The following RBPJ variants were observed in gnomAD, a reference collection of about 807,000 sequenced individuals.
RBPJ encodes recombining binding protein suppressor of hairless.
Under a neutral mutation model 67.8 loss-of-function variants are expected in RBPJ, and 9 were observed. That is an observed-to-expected ratio of 0.13 (90% CI 0.08 to 0.23). The LOEUF (loss-of-function observed/expected upper bound fraction) is 0.23, where lower values mean the gene tolerates loss of function less well. RBPJ is among the 10% of genes least tolerant of loss of function. The pLI is 1.00. For missense variants in RBPJ, 305 were observed against 595.6 expected (o/e 0.51, Z 5.08); for synonymous variants, 198 against 203.3 (o/e 0.97, Z 0.22).
At chr4:26,135,663 G>A in the RBPJ span, among the ~76,000 whole-genome samples, 12 of 152,270 alleles carry the variant, frequency 7.9e-5, no homozygotes, top group South Asian at 2.5e-3. Context: ...AACCTAAAAG[G>A]CCTGGCTAGG....
chr4:26,172,961 G>A (rs537062611), intron 1 of RBPJ, among the ~76,000 whole-genome samples: 167 of 152,208 alleles, frequency 1.1e-3, no homozygotes, highest in Non-Finnish European at 1.9e-3. Context: ...AGGATATTAG[G>A]GGCAGTCGTT....
At chr4:26,145,721 G>T in the RBPJ span, among the ~76,000 whole-genome samples, 1 of 152,150 alleles carries the variant, frequency 6.6e-6, no homozygotes, top group African/African-American at 2.4e-5. Flanking sequence ...ATGGAGAAAA[G>T]GACGATTATT....
At chr4:26,125,366 TACACTACTG>T in the RBPJ span, among the ~76,000 whole-genome samples, 1 of 152,250 alleles carries the variant, frequency 6.6e-6, no homozygotes, top group Non-Finnish European at 1.5e-5. Context: ...TTGATTTTTC[TACACTACTG>T]ACTGAGGAAT....
intron 1 of RBPJ, among the ~76,000 whole-genome samples, chr4:26,327,101 C>T (rs1723706767): frequency 6.6e-6 from 1 of 152,148 alleles, no homozygotes. Context: ...TCTTATCCTG[C>T]CCACAGTTCT....
Position 26,234,582 on chromosome 4 carries a change from C to A in RBPJ, c.-167+70968C>A, listed in dbSNP as rs181907458. On this transcript the variant is annotated intron_variant, in intron 1 of 4. Coordinates refer to the RBPJ transcript ENST00000512351. ...TGGCCACTCTCTATATAAATTGTAC[C>A]AGTCTACTCCACAAACCCTGTCTCT... Among the ~76,000 whole-genome samples, 260 of 152,282 alleles carry A rather than the reference C, an allele frequency of 1.7e-3. 1 individual carries two copies. The highest frequency in any genetic ancestry group is 5.8e-3 in the African/African-American group (241 of 41,540).
chr4:26,182,526 C>T (rs190898383), intron 1 of RBPJ, among the ~76,000 whole-genome samples: 4 of 147,250 alleles, frequency 2.7e-5, no homozygotes, highest in African/African-American at 1.0e-4. Context: ...CAGAGTCTTG[C>T]TCTGTCACCC....
intron 1 of RBPJ, among the ~76,000 whole-genome samples, chr4:26,365,786 T>C (rs1320342030): frequency 6.6e-6 from 1 of 152,262 alleles, no homozygotes; most frequent in Non-Finnish European, 1.5e-5. Flanking sequence ...CCTCCTACCA[T>C]CTTTTACTTT....
At position 26,186,196 on chromosome 4, in the gene RBPJ, A is replaced by T. The variant is rs1025263138; in HGVS notation, c.-167+22582A>T. Among the ~76,000 whole-genome samples, 949 of 118,010 alleles carry T rather than the reference A, an allele frequency of 8.0e-3. 12 individuals are homozygous for T. Among genetic ancestry groups the T allele is most frequent in the African/African-American group, 0.025 (896 of 36,212 alleles). The allele number at this position is 118,010 out of a possible 152,430, so 77.4% of individuals were successfully genotyped here. A position where few individuals can be genotyped will look rare whatever the true frequency, so the allele number is the denominator to read the frequency against. On this transcript the variant is annotated intron_variant, in intron 1 of 4. Coordinates refer to the RBPJ transcript ENST00000512351. Reference sequence around the variant, plus strand: ...TTTCTGCTCCCCCCTTTTTTTTAAAAAAAAAAAAAAAAAAAAAAAGACCAA... The same window carrying T: ...TTTCTGCTCCCCCCTTTTTTTTAAATAAAAAAAAAAAAAAAAAAAGACCAA...
chr4:26,427,310 T>C (rs1005769160), intron 7 of RBPJ, among the ~76,000 whole-genome samples: 6 of 152,132 alleles, frequency 3.9e-5, no homozygotes, highest in African/African-American at 1.4e-4. Context: ...AAGGATCAAG[T>C]TTAGGAGGAA....
chr4:26,136,332 C>T, the RBPJ span, among the ~76,000 whole-genome samples: 1 of 152,214 alleles, frequency 6.6e-6, no homozygotes, highest in African/African-American at 2.4e-5. Flanking sequence ...CCCATCTATC[C>T]CCAGCTCCAT....
intron 1 of RBPJ, among the ~76,000 whole-genome samples, chr4:26,283,159 G>A (rs1295917688): frequency 1.4e-5 from 2 of 148,010 alleles, no homozygotes; most frequent in African/African-American, 4.9e-5. Context: ...TCGATCTCCT[G>A]ACCTCGTAAT....
chr4:26,258,212 T>C (rs1258609175), intron 1 of RBPJ, among the ~76,000 whole-genome samples: 1 of 152,228 alleles, frequency 6.6e-6, no homozygotes, highest in Admixed American at 6.5e-5. Context: ...TGGTTATGAT[T>C]TGGCATCTCT....
chr4:26,192,604 A>G (rs1246661577), intron 1 of RBPJ, among the ~76,000 whole-genome samples: 2 of 152,198 alleles, frequency 1.3e-5, no homozygotes, highest in Non-Finnish European at 2.9e-5. Flanking sequence ...CAACTCTATG[A>G]GGTGGGTCTG....
At chr4:26,265,219 T>G (rs1048132792) in intron 1 of RBPJ, among the ~76,000 whole-genome samples, 1 of 152,302 alleles carries the variant, frequency 6.6e-6, no homozygotes, top group Admixed American at 6.5e-5. Flanking sequence ...AGATAATTTT[T>G]CCGAGCTGCC....
At chr4:26,215,384 AG>A (rs1411239357) in intron 1 of RBPJ, among the ~76,000 whole-genome samples, 2 of 45,824 alleles carry the variant, frequency 4.4e-5, no homozygotes, top group Admixed American at 3.2e-4. Flanking sequence ...GAAGGGAGGG[AG>A]GGAGAGAGGA....
rs577738239 is a variant in RBPJ at position 26,255,690 on chromosome 4, T to C, written c.-167+92076T>C. Among the ~76,000 whole-genome samples, 12 of 150,016 alleles carry C rather than the reference T, an allele frequency of 8.0e-5. No homozygotes were observed. The South Asian group carries it at 2.5e-3, about 31-fold the overall frequency. On this transcript the variant is annotated intron_variant, in intron 1 of 4. Transcript: ENST00000512351. ...GGTGGCAGGTGCCTGTAGTCCCAGCTACGCGGGAGGCTGAGGCAGGACAAT... is the reference window on the plus strand; with the variant it reads ...GGTGGCAGGTGCCTGTAGTCCCAGCCACGCGGGAGGCTGAGGCAGGACAAT...
At chr4:26,361,545 T>C (rs1027916535) in intron 1 of RBPJ, among the ~76,000 whole-genome samples, 8 of 152,058 alleles carry the variant, frequency 5.3e-5, no homozygotes, top group Non-Finnish European at 1.0e-4. Context: ...TGTAAAGCTG[T>C]TTTCATCTAC....
intron 1 of RBPJ, among the ~76,000 whole-genome samples, chr4:26,205,450 C>CGCACAGTCCTACATT (rs1489903230): frequency 2.0e-5 from 3 of 152,142 alleles, no homozygotes; most frequent in Non-Finnish European, 4.4e-5. Context: ...CTTGCCCCAC[C>CGCACAGTCCTACATT]GCACAGTCCT....
chr4:26,255,402 T>A (rs139996456), intron 1 of RBPJ, among the ~76,000 whole-genome samples: 1,544 of 35,726 alleles, frequency 0.043, 31 homozygotes, highest in Non-Finnish European at 0.054. Flanking sequence ...AGACTCCGTC[T>A]CAAAAAAAAA....
Sources: gnomAD v4.1 joint callset for allele counts (sites outside exome capture counted in the v4.1 genomes callset) on GRCh38, gnomAD v4.1.1 for gene constraint, MANE v1.5 for transcripts, NCBI Gene and HGNC (gene_info 2026-07-23, HGNC 2026-07-21) for gene names.